The following PPP3CA variants were observed in gnomAD, a reference collection of about 807,000 sequenced individuals.
The protein encoded by PPP3CA is CAM-PRP catalytic subunit.
In PPP3CA, 14 loss-of-function variants were observed where a neutral mutation model predicts 66.5. The observed-to-expected ratio is 0.21, with a 90% CI of 0.14 to 0.33. The LOEUF (loss-of-function observed/expected upper bound fraction) is 0.33, where lower values mean the gene tolerates loss of function less well. Among genes scored for constraint, PPP3CA ranks in the 10% least tolerant of loss-of-function variants. The pLI, the probability that PPP3CA is intolerant of heterozygous loss-of-function variation, is 1.00. For missense variants in PPP3CA, 317 were observed against 639.5 expected, an observed-to-expected ratio of 0.50 and a Z score of 5.44; for synonymous variants, 232 against 226.2, an observed-to-expected ratio of 1.03 and a Z score of -0.23.
At chr4:101,232,266 C>T (rs1011402294) in intron 1 of PPP3CA, among the ~76,000 whole-genome samples, 3 of 151,474 alleles carry the variant, frequency 2.0e-5, no homozygotes, top group South Asian at 2.1e-4. Context: ...CACCAAGCAG[C>T]GCAGGCATGC....
chr4:101,315,967 C>T (rs1728872441), intron 1 of PPP3CA, among the ~76,000 whole-genome samples: 1 of 152,106 alleles, frequency 6.6e-6, no homozygotes, highest in Non-Finnish European at 1.5e-5. Context: ...TAGTATGAAT[C>T]TTATCCTCAA....
chr4:101,318,450 A>G (rs572626666), intron 1 of PPP3CA, among the ~76,000 whole-genome samples: 1 of 152,350 alleles, frequency 6.6e-6, no homozygotes, highest in East Asian at 1.9e-4. Flanking sequence ...ACTAGGCTTC[A>G]TTAATGATGT....
chr4:101,071,641 A>G lies in PPP3CA; in HGVS notation c.956-8284T>C, dbSNP rs569738037. ...TTGACCCTTTTCAGCTGGTGGCAGA[A>G]GAGCACTTGGCAATGAATCTGTATG... On this transcript the variant is annotated intron_variant, in intron 8 of 13. Transcript: ENST00000394854. Among the ~76,000 whole-genome samples, 3 of 152,346 alleles carry G rather than the reference A, an allele frequency of 2.0e-5. No individual in the cohort carries two copies. In the South Asian group the frequency reaches 6.2e-4, roughly 32 times the overall value.
chr4:101,036,423 T>C (rs972560643), intron 11 of PPP3CA, among the ~76,000 whole-genome samples: 9 of 152,148 alleles, frequency 5.9e-5, no homozygotes, highest in Non-Finnish European at 1.0e-4. Context: ...CTTTCTTTTT[T>C]TTTTTTGAGA....
At position 101,061,246 on chromosome 4, in the gene PPP3CA, T is replaced by C. The variant is rs1728449710; in HGVS notation, c.1082-85A>G. ...CTCTGGCATTGTTAATGAGCAAACT[T>C]AGCAATAACATTTCTTATTTAGTTT... On this transcript the variant is annotated intron_variant, in intron 9 of 13. Coordinates refer to ENST00000394854, the MANE Select transcript of PPP3CA (RefSeq NM_000944.5). 1.2e-5 allele frequency: 13 copies of C among 1,125,636 alleles called. No individual in the cohort carries two copies. The Middle Eastern group carries it at 2.2e-3, about 190-fold the overall frequency. 69.7% of individuals were successfully genotyped at this position (1,125,636 alleles called of 1,614,324 possible).
chr4:101,151,648 T>C (rs1723142740), intron 2 of PPP3CA, among the ~76,000 whole-genome samples: 1 of 108,662 alleles, frequency 9.2e-6, no homozygotes, highest in South Asian at 2.8e-4. Flanking sequence ...TAAGCCAAGG[T>C]TTCCTTTTTT....
chr4:101,256,109 A>G (rs1726832660), intron 1 of PPP3CA, among the ~76,000 whole-genome samples: 1 of 151,974 alleles, frequency 6.6e-6, no homozygotes, highest in Non-Finnish European at 1.5e-5. Flanking sequence ...CTCTTCTTAC[A>G]TCAAGATTTT....
intron 1 of PPP3CA, among the ~76,000 whole-genome samples, chr4:101,237,519 T>C (rs1414065292): frequency 2.0e-5 from 3 of 152,084 alleles, no homozygotes; most frequent in African/African-American, 7.2e-5. Context: ...CAGCAATATA[T>C]GTATTTTTAA....
rs1287263708 is a variant in PPP3CA at position 101,164,565 on chromosome 4, T to TTTG, written c.259+31350_259+31351insCAA. Among the ~76,000 whole-genome samples the TTTG allele has an allele frequency of 8.1e-3, 1,223 of 151,162 alleles. 18 individuals are homozygous for TTTG. Among genetic ancestry groups the TTTG allele is most frequent in the African/African-American group, 0.028 (1,173 of 41,166 alleles). On this transcript the variant is annotated intron_variant, in intron 2 of 13. Coordinates refer to ENST00000394854, the MANE Select transcript of PPP3CA (RefSeq NM_000944.5). ...TTCTAAAAATAATGGGATTTAAGTT[T>TTTG]TTTTTTTTTTTTAGGGTCCTGGCTC...
At chr4:101,071,040 C>CAG (rs966315008) in intron 8 of PPP3CA, among the ~76,000 whole-genome samples, 2 of 151,960 alleles carry the variant, frequency 1.3e-5, no homozygotes, top group East Asian at 3.9e-4. Flanking sequence ...AGACTAAAAA[C>CAG]AGAGAGAGAG....
At chr4:101,142,125 C>T (rs1004643592) in intron 2 of PPP3CA, among the ~76,000 whole-genome samples, 9 of 150,470 alleles carry the variant, frequency 6.0e-5, no homozygotes, top group African/African-American at 2.2e-4. Flanking sequence ...ATACATAATA[C>T]AATTAAAGAC....
At chr4:101,176,860 A>C (rs1724077757) in intron 2 of PPP3CA, among the ~76,000 whole-genome samples, 1 of 152,184 alleles carries the variant, frequency 6.6e-6, no homozygotes, top group South Asian at 2.1e-4. Context: ...GATATACGAT[A>C]TACTAGGATA....
chr4:101,340,479 G>A (rs1055063694), intron 1 of PPP3CA, among the ~76,000 whole-genome samples: 4 of 151,982 alleles, frequency 2.6e-5, no homozygotes, highest in African/African-American at 9.7e-5. Flanking sequence ...ACGGATTTGA[G>A]ATACCAGCAA....
intron 1 of PPP3CA, among the ~76,000 whole-genome samples, chr4:101,254,336 G>T (rs968081734): frequency 2.6e-5 from 4 of 151,926 alleles, no homozygotes; most frequent in Non-Finnish European, 2.9e-5. Context: ...CATTTTAATG[G>T]AAATATTCTG....
At chr4:101,045,590 C>T (rs1398804868) in intron 10 of PPP3CA, among the ~76,000 whole-genome samples, 4 of 152,052 alleles carry the variant, frequency 2.6e-5, no homozygotes, top group African/African-American at 9.7e-5. Context: ...GTAAAGGCAG[C>T]AAAACTCCAC....
At chr4:101,345,850 G>C (rs1033901634) in intron 1 of PPP3CA, among the ~76,000 whole-genome samples, 12 of 152,210 alleles carry the variant, frequency 7.9e-5, no homozygotes, top group African/African-American at 2.9e-4. Context: ...GTTACAAAAA[G>C]GATGCCAGGG....
Position 101,180,594 on chromosome 4 carries a change from A to G in PPP3CA, c.259+15322T>C, listed in dbSNP as rs1724204594. Among the ~76,000 whole-genome samples the G allele has an allele frequency of 3.9e-5, 6 of 152,152 alleles. No individual in the cohort carries two copies. In the South Asian group the frequency reaches 1.2e-3, roughly 32 times the overall value. Reference sequence around the variant, plus strand: ...TAATTACTGAAATTTCTTATTTTGAATCAATAATTAGCATTATATCTTACT... The same window carrying G: ...TAATTACTGAAATTTCTTATTTTGAGTCAATAATTAGCATTATATCTTACT... On this transcript the variant is annotated intron_variant, in intron 2 of 13. Transcript: ENST00000394854.
chr4:101,294,430 AC>A (rs1728127394), intron 1 of PPP3CA, among the ~76,000 whole-genome samples: 1 of 152,174 alleles, frequency 6.6e-6, no homozygotes, highest in Non-Finnish European at 1.5e-5. Flanking sequence ...ATTAAGTTTT[AC>A]CAAATCTCTA....
chr4:101,186,933 A>C (rs1417645277), intron 2 of PPP3CA, among the ~76,000 whole-genome samples: 1 of 152,068 alleles, frequency 6.6e-6, no homozygotes, highest in Non-Finnish European at 1.5e-5. Context: ...AACAACAAAA[A>C]TTTACTACTC....
Sources: allele counts gnomAD v4.1 joint callset (sites outside exome capture counted in the v4.1 genomes callset), GRCh38; gene constraint gnomAD v4.1.1; transcripts MANE v1.5; gene names NCBI Gene and HGNC (gene_info 2026-07-23, HGNC 2026-07-21).